VWA8: variants seen among roughly 807,000 people sequenced by gnomAD.
VWA8 encodes the protein von Willebrand factor A domain-containing protein 8.
Under a neutral mutation model 241.5 loss-of-function variants are expected in VWA8, and 221 were observed. That is an observed-to-expected ratio of 0.91 (90% confidence interval 0.82 to 1.02). The LOEUF (loss-of-function observed/expected upper bound fraction) is 1.02, where lower values mean the gene tolerates loss of function less well. Ranked by LOEUF, VWA8 falls within the 50% of genes least tolerant of loss-of-function variation. The pLI is 0.00. For missense variants in VWA8, 2,322 were observed against 2,328.7 expected, an observed-to-expected ratio of 1.00 and a Z score of 0.06; for synonymous variants, 852 against 827.1, an observed-to-expected ratio of 1.03 and a Z score of -0.52.
intron 21 of VWA8, among the ~76,000 whole-genome samples, chr13:41,743,214 CT>C (rs1418110704): frequency 1.3e-5 from 2 of 152,170 alleles, no homozygotes; most frequent in African/African-American, 4.8e-5. Flanking sequence ...AAGTAATCAA[CT>C]TTATTAGTAG....
chr13:41,690,068 A>T, intron 33 of VWA8, 98 bp downstream of exon 33: 1 of 1,052,118 alleles, frequency 9.5e-7, no homozygotes, highest in Non-Finnish European at 1.3e-6. Context: ...GTGTAAACTT[A>T]ACATAGGCTG....
chr13:41,662,599 A>G (rs1368149976), intron 37 of VWA8, among the ~76,000 whole-genome samples: 6 of 151,368 alleles, frequency 4.0e-5, no homozygotes, highest in African/African-American at 1.5e-4. Flanking sequence ...GTTGTTTGCA[A>G]ATAGGGACAG....
chr13:41,887,249 G>A lies in VWA8; in HGVS notation c.764C>T (p.Pro255Leu). Residue 255 changes from proline to leucine, a missense_variant, in exon 6 of 45, where the codon CCC becomes CTC. Pro to Leu is a moderately conservative substitution (Grantham distance 98). Coordinates refer to ENST00000379310, the MANE Select transcript of VWA8 (RefSeq NM_015058.2). ...VPRYSGNPLDPPLRSRFQARD... is the reference protein window; with the variant it reads ...VPRYSGNPLDLPLRSRFQARD... The stretch of plus-strand genomic sequence containing the variant: ...GGCTTGAAATCGAGAACGAAGAGGG[G>A]GGTCTAATGGATTCCCAGAATACCT... The A allele has an allele frequency of 6.2e-7, 1 of 1,613,408 alleles. No individual in the cohort carries two copies. The highest frequency in any genetic ancestry group is 8.5e-7 in the Non-Finnish European group (1 of 1,179,746).
intron 38 of VWA8, among the ~76,000 whole-genome samples, chr13:41,613,228 T>G (rs1224148521): frequency 6.6e-6 from 1 of 152,218 alleles, no homozygotes; most frequent in Non-Finnish European, 1.5e-5. Flanking sequence ...TCATTTCCTT[T>G]TGGGAAATAC....
At chr13:41,730,608 A>C (rs1388532222) in intron 22 of VWA8, among the ~76,000 whole-genome samples, 1 of 152,182 alleles carries the variant, frequency 6.6e-6, no homozygotes, top group African/African-American at 2.4e-5. Context: ...TCTTAGGTTT[A>C]AGGTGACTGG....
intron 44 of VWA8, 116 bp downstream of exon 44, chr13:41,570,352 T>C: frequency 1.1e-6 from 1 of 898,752 alleles, no homozygotes; most frequent in Non-Finnish European, 1.7e-6. Flanking sequence ...CTTTAGTTTC[T>C]GTTTTTCCTC....
chr13:41,568,993 A>T (rs1478033744), intron 44 of VWA8, among the ~76,000 whole-genome samples: 2 of 151,058 alleles, frequency 1.3e-5, no homozygotes, highest in African/African-American at 5.0e-5. Flanking sequence ...TTAAATACTA[A>T]TTTATAATTT....
intron 2 of VWA8, among the ~76,000 whole-genome samples, chr13:41,930,888 C>T (rs1292763868): frequency 2.0e-5 from 3 of 152,106 alleles, no homozygotes; most frequent in African/African-American, 4.8e-5. Context: ...CGGTGGCTCA[C>T]GCCTGTAATC....
At chr13:41,799,338 T>A (rs1869844209) in intron 17 of VWA8, among the ~76,000 whole-genome samples, 1 of 152,144 alleles carries the variant, frequency 6.6e-6, no homozygotes, top group Non-Finnish European at 1.5e-5. Flanking sequence ...CCCGGATAAG[T>A]TTTTCATGTT....
At chr13:41,598,273 C>A (rs1224209330) in intron 40 of VWA8, among the ~76,000 whole-genome samples, 1 of 151,984 alleles carries the variant, frequency 6.6e-6, no homozygotes, top group African/African-American at 2.4e-5. Context: ...CTTCTCTATA[C>A]CAATTTAACT....
At position 41,690,254 on chromosome 13, in the gene VWA8, A is replaced by T. The variant is rs2137816224; in HGVS notation, c.3888T>A (p.Pro1296=). Residue 1296 remains proline, a synonymous_variant, in exon 33 of 45, where the codon CCT becomes CCA. Transcript: ENST00000379310. The part of the protein sequence containing the change: ...KTNQKYLLTK[P]AHIESEGSGV... ...CACTACCCTCAGATTCGATGTGTGC[A>T]GGCTTAGTTAAAAGATATTTCCTGC... The T allele has an allele frequency of 8.1e-6, 13 of 1,609,688 alleles. No homozygotes were observed. In the East Asian group the frequency reaches 2.9e-4, roughly 36 times the overall value.
At chr13:41,927,450 T>C (rs983008720) in intron 2 of VWA8, 2 of 364,634 alleles carry the variant, frequency 5.5e-6, no homozygotes, top group African/African-American at 2.1e-5. Flanking sequence ...TCCATTTGAC[T>C]ACCACAGTTC....
At chr13:41,838,974 T>C (rs1304392712) in intron 12 of VWA8, among the ~76,000 whole-genome samples, 2 of 152,210 alleles carry the variant, frequency 1.3e-5, no homozygotes, top group East Asian at 3.8e-4. Context: ...CATGTGTCTT[T>C]ATAGTAGAAT....
At chr13:41,582,658 G>C (rs1353841097) in intron 42 of VWA8, among the ~76,000 whole-genome samples, 2 of 151,960 alleles carry the variant, frequency 1.3e-5, no homozygotes, top group Non-Finnish European at 2.9e-5. Context: ...AAATCCTTTT[G>C]TTAGTTATTC....
intron 17 of VWA8, among the ~76,000 whole-genome samples, chr13:41,796,545 T>C (rs1869709865): frequency 6.6e-6 from 1 of 152,184 alleles, no homozygotes; most frequent in Non-Finnish European, 1.5e-5. Flanking sequence ...TTCCTCTCTT[T>C]TACACTAATT....
At chr13:41,787,331 C>T (rs1165469244) in intron 18 of VWA8, 106 bp downstream of exon 18, 28 of 921,876 alleles carry the variant, frequency 3.0e-5, no homozygotes, top group African/African-American at 5.2e-5. Context: ...TAGATGAAAA[C>T]CAAAAACTGT....
intron 19 of VWA8, among the ~76,000 whole-genome samples, chr13:41,782,894 C>G (rs1443491656): frequency 2.6e-5 from 4 of 151,400 alleles, no homozygotes; most frequent in Non-Finnish European, 5.9e-5. Context: ...TAGATACAAA[C>G]TTATATGTCT....
At chr13:41,738,815 AT>A (rs2045545135) in intron 21 of VWA8, among the ~76,000 whole-genome samples, 1 of 152,186 alleles carries the variant, frequency 6.6e-6, no homozygotes, top group African/African-American at 2.4e-5. Flanking sequence ...TTGAAAAAAA[AT>A]GGAAGAATGA....
intron 37 of VWA8, among the ~76,000 whole-genome samples, chr13:41,646,554 C>T (rs1285155942): frequency 6.6e-6 from 1 of 152,188 alleles, no homozygotes; most frequent in Non-Finnish European, 1.5e-5. Flanking sequence ...AAATCTCAGT[C>T]CATCTCCTTC....
Sources: gnomAD v4.1 joint callset for allele counts (sites outside exome capture counted in the v4.1 genomes callset) on GRCh38, gnomAD v4.1.1 for gene constraint, MANE v1.5 for transcripts, NCBI Gene and HGNC (gene_info 2026-07-23, HGNC 2026-07-21) for gene names.